RNF220: variants seen among roughly 807,000 people sequenced by gnomAD.
RNF220 encodes the protein E3 ubiquitin-protein ligase RNF220.
A neutral mutation model predicts 67.1 loss-of-function variants in RNF220; 7 were observed. The ratio of observed to expected loss-of-function variants is 0.10; its 90% CI spans 0.06 to 0.20. RNF220 has a LOEUF of 0.20. Ranked by LOEUF, RNF220 falls within the 10% of genes least tolerant of loss-of-function variation. RNF220 has a pLI of 1.00. For missense variants in RNF220, 565 were observed against 740.3 expected, an observed-to-expected ratio of 0.76 and a Z score of 2.75; for synonymous variants, 270 against 283.2, an observed-to-expected ratio of 0.95 and a Z score of 0.47.
chr1:44,646,276 C>T (rs560411738), intron 12 of RNF220, among the ~76,000 whole-genome samples: 14 of 152,372 alleles, frequency 9.2e-5, no homozygotes, highest in African/African-American at 2.9e-4. Flanking sequence ...GGTGCAGGGC[C>T]GGGTCGGTGG....
chr1:44,447,731 C>T lies in RNF220; in HGVS notation c.625+35009C>T, dbSNP rs530489017. Among the ~76,000 whole-genome samples the T allele has an allele frequency of 1.4e-4, 21 of 152,268 alleles. 1 individual carries two copies. The Middle Eastern group carries it at 0.01, about 74-fold the overall frequency. On this transcript the variant is annotated intron_variant, in intron 2 of 14. Transcript: ENST00000361799. The stretch of plus-strand genomic sequence containing the variant: ...GAAGTATTATTCACCCTTTAAAAAC[C>T]GGAGTTTAGAGAAGGTGAGTGACTT...
intron 2 of RNF220, among the ~76,000 whole-genome samples, chr1:44,422,335 T>TAA (rs997235420): frequency 6.8e-6 from 1 of 147,864 alleles, no homozygotes; most frequent in East Asian, 2.0e-4. Flanking sequence ...GCAGTAAAAT[T>TAA]AAAAAAAAAA....
At position 44,645,155 on chromosome 1, in the gene RNF220, T is replaced by G; in HGVS notation, c.1311-66T>G. Reference sequence around the variant, plus strand: ...CCTGAGGCAGGGGTTAACGCAGTACTGACCCTCAGGGCTGTCCTGCCCGCC... The same window carrying G: ...CCTGAGGCAGGGGTTAACGCAGTACGGACCCTCAGGGCTGTCCTGCCCGCC... On this transcript the variant is annotated intron_variant, in intron 10 of 14. Transcript: ENST00000361799. This position sits in a 1 kb window ranked among gnomAD's most constrained non-coding sequence, Gnocchi z 5.0. 1 of 1,611,058 alleles carries G rather than the reference T, an allele frequency of 6.2e-7. No individual in the cohort carries two copies. The highest frequency in any genetic ancestry group is 8.5e-7 in the Non-Finnish European group (1 of 1,177,228).
intron 2 of RNF220, among the ~76,000 whole-genome samples, chr1:44,568,189 G>A (rs1260177279): frequency 6.6e-6 from 1 of 152,168 alleles, no homozygotes; most frequent in East Asian, 1.9e-4. Flanking sequence ...GAATCCTCCA[G>A]TAACGAGCCC....
chr1:44,586,618 A>G (rs938669014), intron 2 of RNF220, among the ~76,000 whole-genome samples: 22 of 152,188 alleles, frequency 1.4e-4, no homozygotes, highest in Admixed American at 7.9e-4. Context: ...GCAGACTAGA[A>G]GACAGAAGAA....
Position 44,622,671 on chromosome 1 carries a change from C to T in RNF220, c.759-71C>T. 7.1e-7 allele frequency: 1 copy of T among 1,410,356 alleles called. No individual in the cohort carries two copies. The allele number at this position is 1,410,356 out of a possible 1,614,324, so 87.4% of individuals were successfully genotyped here. A position where few individuals can be genotyped will look rare whatever the true frequency, so the allele number is the denominator to read the frequency against. On this transcript the variant is annotated intron_variant, in intron 3 of 14. Transcript: ENST00000361799. This position sits in a 1 kb window ranked among gnomAD's most constrained non-coding sequence, Gnocchi z 4.3. ...ATGCCTTCTCTGTCTTTGGGGTCTT[C>T]TTGCTACTCTACCGTTGCATGCCCT... is the stretch of plus-strand genomic sequence containing the variant.
chr1:44,441,510 C>T (rs571017610), intron 2 of RNF220, among the ~76,000 whole-genome samples: 10 of 152,094 alleles, frequency 6.6e-5, no homozygotes, highest in African/African-American at 1.4e-4. Context: ...AAGTAAAAGA[C>T]GCAGTCAACA....
At chr1:44,544,188 A>C (rs1661927475) in intron 2 of RNF220, among the ~76,000 whole-genome samples, 10 of 152,158 alleles carry the variant, frequency 6.6e-5, no homozygotes. Context: ...GGGGTGGGAG[A>C]AGAACAGAGC....
chr1:44,564,428 C>A (rs1453315450), intron 2 of RNF220, among the ~76,000 whole-genome samples: 2 of 151,940 alleles, frequency 1.3e-5, no homozygotes, highest in Admixed American at 1.3e-4. Context: ...TTTAAAGCAC[C>A]CCAGTTAATT....
chr1:44,601,900 A>AG (rs1343952497), intron 2 of RNF220, among the ~76,000 whole-genome samples: 10 of 152,158 alleles, frequency 6.6e-5, no homozygotes, highest in African/African-American at 2.4e-4. Context: ...TGAGACAAAA[A>AG]GGAGAATAGT....
chr1:44,421,682 TAA>T (rs1253006396), intron 2 of RNF220, among the ~76,000 whole-genome samples: 1 of 151,128 alleles, frequency 6.6e-6, no homozygotes, highest in Admixed American at 6.6e-5. Flanking sequence ...CTCCTAGGAG[TAA>T]AAGAGGGCTG....
intron 2 of RNF220, among the ~76,000 whole-genome samples, chr1:44,505,894 T>TC (rs904019386): frequency 4.0e-5 from 6 of 151,078 alleles, no homozygotes; most frequent in Non-Finnish European, 8.8e-5. Context: ...TCCGCTCCCC[T>TC]CCCCCCATGC....
chr1:44,425,686 A>G (rs1409431750), intron 2 of RNF220, among the ~76,000 whole-genome samples: 1 of 152,192 alleles, frequency 6.6e-6, no homozygotes, highest in Non-Finnish European at 1.5e-5. Flanking sequence ...ATAAAATGGG[A>G]GATGGTAGAT....
intron 2 of RNF220, among the ~76,000 whole-genome samples, chr1:44,511,304 C>A (rs1658972911): frequency 6.6e-6 from 1 of 152,032 alleles, no homozygotes; most frequent in African/African-American, 2.4e-5. Context: ...GGCCTGCGGG[C>A]AAGAAGTTGA....
chr1:44,588,475 T>A (rs1466257114), intron 2 of RNF220, among the ~76,000 whole-genome samples: 1 of 152,192 alleles, frequency 6.6e-6, no homozygotes, highest in East Asian at 1.9e-4. Context: ...GCCAGATGAT[T>A]TTATTTCTTC....
At chr1:44,448,889 G>A (rs189361085) in intron 2 of RNF220, among the ~76,000 whole-genome samples, 5 of 152,324 alleles carry the variant, frequency 3.3e-5, no homozygotes, top group African/African-American at 9.6e-5. Flanking sequence ...GTGGAAGCTT[G>A]ATAAATATTT....
chr1:44,440,760 T>C (rs1651464633), intron 2 of RNF220, among the ~76,000 whole-genome samples: 1 of 152,208 alleles, frequency 6.6e-6, no homozygotes, highest in Admixed American at 6.5e-5. Context: ...CCTTCTCAAC[T>C]TGATGCTTTT....
intron 2 of RNF220, among the ~76,000 whole-genome samples, chr1:44,552,545 C>G (rs911515552): frequency 1.4e-5 from 2 of 145,668 alleles, no homozygotes; most frequent in Non-Finnish European, 3.0e-5. Flanking sequence ...ATCAATGGCT[C>G]CCTGCTATTC....
chr1:44,627,344 CAAAAAAA>C (rs35722890), intron 5 of RNF220, among the ~76,000 whole-genome samples: 1 of 42,254 alleles, frequency 2.4e-5, no homozygotes, highest in Non-Finnish European at 4.2e-5. Flanking sequence ...GACTCCGTCT[CAAAAAAA>C]AAAAAAAAAA....
Sources: gnomAD v4.1 joint callset for allele counts (sites outside exome capture counted in the v4.1 genomes callset) on GRCh38, gnomAD v4.1.1 for gene constraint, Gnocchi (gnomAD v3.1) non-coding constraint, MANE v1.5 for transcripts, NCBI Gene and HGNC (gene_info 2026-07-23, HGNC 2026-07-21) for gene names.